Variants in ZNF875 observed in about 807,000 individuals in gnomAD.
ZNF875 encodes the protein zinc finger protein 875.
ZNF875 carries 14 observed loss-of-function variants against 11.2 expected under a neutral mutation model. The ratio of observed to expected loss-of-function variants is 1.26; its 90% CI spans 0.83 to 1.96. The LOEUF (loss-of-function observed/expected upper bound fraction) is 1.96, where lower values mean the gene tolerates loss of function less well. Ranked by LOEUF, ZNF875 falls within the 30% of genes most tolerant of loss-of-function variation. The pLI is 0.00. For synonymous variants in ZNF875, 301 were observed against 281.1 expected (o/e 1.07, Z -0.71); for missense variants, 752 against 760.4 (o/e 0.99, Z 0.13).
At chr19:37,346,248 C>T (rs987721326) in intron 2 of ZNF875, 1 of 152,200 alleles carries the variant, frequency 6.6e-6, no homozygotes, top group Admixed American at 6.5e-5. Context: ...AATCCTAATC[C>T]TCACCACAAG....
upstream of ZNF875, among the ~76,000 whole-genome samples, chr19:37,331,080 G>T (rs570997813): frequency 1.3e-5 from 2 of 151,418 alleles, no homozygotes; most frequent in Admixed American, 6.6e-5. Context: ...CCAGCTACTC[G>T]GGAGGCTGAG....
At position 37,363,247 on chromosome 19, in the gene ZNF875, TAAC is replaced by T. The variant is rs751550901; in HGVS notation, c.1398_1400del (p.Asn466del). On this transcript the variant is annotated inframe_deletion, in exon 5 of 5. Transcript: ENST00000392153. The stretch of plus-strand genomic sequence containing the variant: ...AGTGCTTTAGCCTGAAGTCAAACCT[TAAC>T]AAACACCAGAGGTCACACACGGGGG... 3.1e-6 allele frequency: 5 copies of T among 1,610,468 alleles called. No individual in the cohort carries two copies. The East Asian group carries it at 9.0e-5, about 29-fold the overall frequency.
At chr19:37,356,723 T>G (rs1357572607) in intron 4 of ZNF875, among the ~76,000 whole-genome samples, 1 of 152,258 alleles carries the variant, frequency 6.6e-6, no homozygotes, top group Non-Finnish European at 1.5e-5. Context: ...TTCTGCATAT[T>G]AGTCCTTTGT....
At chr19:37,318,136 G>A (rs1305383332) in exon 1 of ZNF875, 1 of 153,982 alleles carries the variant, frequency 6.5e-6, no homozygotes, top group African/African-American at 2.4e-5. Flanking sequence ...CGCCCGCACT[G>A]ACTGTGATGT....
chr19:37,318,937 A>C (rs904002497), intron 1 of ZNF875, among the ~76,000 whole-genome samples: 1 of 152,076 alleles, frequency 6.6e-6, no homozygotes, highest in Non-Finnish European at 1.5e-5. Context: ...ATTTTCCCCA[A>C]TGTCTTTGAA....
At chr19:37,355,416 C>T (rs922215892) in intron 4 of ZNF875, among the ~76,000 whole-genome samples, 1 of 152,134 alleles carries the variant, frequency 6.6e-6, no homozygotes, top group African/African-American at 2.4e-5. Flanking sequence ...TCTTGAACAC[C>T]TGACCTCATG....
Position 37,350,024 on chromosome 19 carries a change from G to A in ZNF875, c.256+2152G>A, listed in dbSNP as rs1398189286. 4.4e-5 allele frequency among the ~76,000 whole-genome samples: 6 copies of A among 136,580 alleles called. No homozygotes were observed. In the Admixed American group the frequency reaches 4.6e-4, roughly 11 times the overall value. 89.6% of individuals were successfully genotyped at this position (136,580 alleles called of 152,430 possible). A position where few individuals can be genotyped will look rare whatever the true frequency, so the allele number is the denominator to read the frequency against. On this transcript the variant is annotated intron_variant, in intron 4 of 4. Coordinates refer to ENST00000392153, the MANE Select transcript of ZNF875 (RefSeq NM_001353803.2). The stretch of plus-strand genomic sequence containing the variant: ...TTTGTTGCCAGGCTGGAGTGCAAAG[G>A]CGCAATCTCGGCTCACTGCAACCTC...
upstream of ZNF875, among the ~76,000 whole-genome samples, chr19:37,332,015 A>C (rs1275754122): frequency 2.4e-4 from 29 of 120,694 alleles, no homozygotes; most frequent in Middle Eastern, 3.7e-3. Flanking sequence ...GCGGGCAGCA[A>C]TACTGCTTTG....
At chr19:37,333,388 G>A (rs539838898), upstream of ZNF875, among the ~76,000 whole-genome samples, 76 of 152,174 alleles carry the variant, frequency 5.0e-4, 2 homozygotes, top group Admixed American at 4.9e-3. Flanking sequence ...TCTTTGGCCG[G>A]GTCATTTACC....
chr19:37,354,994 A>G (rs370445745), intron 4 of ZNF875, among the ~76,000 whole-genome samples: 151 of 152,334 alleles, frequency 9.9e-4, no homozygotes, highest in African/African-American at 3.3e-3. Context: ...AAACAGATTA[A>G]GACATATGGC....
At chr19:37,339,261 T>G (rs2035157046) in intron 2 of ZNF875, among the ~76,000 whole-genome samples, 1 of 152,012 alleles carries the variant, frequency 6.6e-6, no homozygotes. Context: ...TGGCAGTGTA[T>G]CTACCCAGCT....
upstream of ZNF875, among the ~76,000 whole-genome samples, chr19:37,329,826 A>G (rs565870369): frequency 1.9e-4 from 29 of 151,990 alleles, 1 homozygote; most frequent in African/African-American, 6.5e-4. Context: ...CTTTTCCTGG[A>G]TGCTCTCTCT....
At chr19:37,359,743 A>G in intron 4 of ZNF875, 1 of 190,946 alleles carries the variant, frequency 5.2e-6, no homozygotes, top group Non-Finnish European at 1.1e-5. Flanking sequence ...TTTTTTAGTA[A>G]AATGCCTATT....
upstream of ZNF875, among the ~76,000 whole-genome samples, chr19:37,332,317 C>G (rs188131938): frequency 3.1e-3 from 472 of 151,660 alleles, 2 homozygotes; most frequent in South Asian, 0.01. Flanking sequence ...TTCCAAATCT[C>G]TCGTCCCACC....
At chr19:37,334,588 C>T, upstream of ZNF875, 1 of 426,386 alleles carries the variant, frequency 2.3e-6, no homozygotes, top group Non-Finnish European at 4.7e-6. Context: ...TCCCCAGAGG[C>T]CTCTGCGGTC....
chr19:37,358,019 G>T, intron 4 of ZNF875: 1 of 388,972 alleles, frequency 2.6e-6, no homozygotes, highest in Non-Finnish European at 4.5e-6. Context: ...GTCTGTCACA[G>T]ATAACTCTTC....
At chr19:37,337,805 A>G (rs906264102) in intron 2 of ZNF875, 7 of 152,038 alleles carry the variant, frequency 4.6e-5, no homozygotes, top group African/African-American at 1.7e-4. Context: ...AATTGAATGC[A>G]ATTAACATTC....
upstream of ZNF875, among the ~76,000 whole-genome samples, chr19:37,316,088 C>G (rs1258816787): frequency 2.6e-5 from 4 of 152,154 alleles, no homozygotes; most frequent in African/African-American, 9.7e-5. Context: ...GGAAACTGTT[C>G]TGGTTGCTAA....
intron 2 of ZNF875, chr19:37,346,643 T>G (rs1442637506): frequency 6.4e-6 from 1 of 155,930 alleles, no homozygotes; most frequent in Non-Finnish European, 1.4e-5. Flanking sequence ...CCCTGCCTAG[T>G]TTTGAAACGC....
Sources: gnomAD v4.1 joint callset for allele counts (sites outside exome capture counted in the v4.1 genomes callset) on GRCh38, gnomAD v4.1.1 for gene constraint, MANE v1.5 for transcripts, NCBI Gene and HGNC (gene_info 2026-07-23, HGNC 2026-07-21) for gene names.